The following GFRA3 variants were observed in gnomAD, a reference collection of about 807,000 sequenced individuals.
GFRA3 encodes the protein GDNF family receptor alpha-3.
GFRA3 carries 24 observed loss-of-function variants against 40.0 expected under a neutral mutation model. The ratio of observed to expected loss-of-function variants is 0.60; its 90% confidence interval spans 0.43 to 0.84. The LOEUF (loss-of-function observed/expected upper bound fraction) is 0.84. GFRA3 is among the 40% of genes least tolerant of loss of function. The pLI is 0.00. For missense variants in GFRA3, 405 were observed against 530.6 expected, an observed-to-expected ratio of 0.76 and a Z score of 2.33; for synonymous variants, 203 against 213.5, an observed-to-expected ratio of 0.95 and a Z score of 0.43.
At position 138,262,656 on chromosome 5, in the gene GFRA3, G is replaced by C. The variant is rs991044177; in HGVS notation, c.379+1605C>G. Among the ~76,000 whole-genome samples the C allele has an allele frequency of 4.6e-5, 7 of 152,094 alleles. No individual in the cohort carries two copies. The East Asian group carries it at 1.4e-3, about 29-fold the overall frequency. ...TTTTGTAGTGATGGGAGCTCGCTAT[G>C]TTGTCCAGGCTGGTCTTGAACTCCT... is the stretch of plus-strand genomic sequence containing the variant. On this transcript the variant is annotated intron_variant, in intron 2 of 7. Coordinates refer to ENST00000274721, the MANE Select transcript of GFRA3 (RefSeq NM_001496.4).
In GFRA3 at chr5:138,274,500, G is replaced by C. The variant is rs985314436; in HGVS notation, c.-76C>G. The C allele has an allele frequency of 6.7e-5, 83 of 1,240,830 alleles. No individual in the cohort carries two copies. The highest frequency in any genetic ancestry group is 1.3e-4 in the Admixed American group (3 of 23,710). 76.9% of individuals were successfully genotyped at this position (1,240,830 alleles called of 1,614,324 possible). On this transcript the variant is annotated 5_prime_UTR_variant, in exon 1 of 8. Coordinates refer to ENST00000274721, the MANE Select transcript of GFRA3 (RefSeq NM_001496.4). ...CTCTGAGAGCGGGGCTCCCTCGACC[G>C]GCACCTCCCGCCCCCGCCTCCCGCC...
intron 1 of GFRA3, among the ~76,000 whole-genome samples, chr5:138,272,059 G>A (rs1755884237): frequency 6.8e-6 from 1 of 147,596 alleles, no homozygotes; most frequent in African/African-American, 2.5e-5. Context: ...AGGCTGGAGT[G>A]CAGTGGCGCG....
chr5:138,274,302 T>C, intron 1 of GFRA3, 32 bp downstream of exon 1: 1 of 1,318,930 alleles, frequency 7.6e-7, no homozygotes, highest in Non-Finnish European at 9.7e-7. Context: ...CCTCCCACTG[T>C]ACCCCCGGCC....
At position 138,264,640 on chromosome 5, in the gene GFRA3, T is replaced by G. The variant is rs539151019; in HGVS notation, c.92-92A>C. On this transcript the variant is annotated intron_variant, in intron 1 of 7. Coordinates refer to ENST00000274721, the MANE Select transcript of GFRA3 (RefSeq NM_001496.4). Reference sequence around the variant, plus strand: ...GAGGTTGGGAGAGGGATATTCCTGATGAAACTTTGTGAAAGTCTTAGGGTA... The same window carrying G: ...GAGGTTGGGAGAGGGATATTCCTGAGGAAACTTTGTGAAAGTCTTAGGGTA... 25 of 804,758 alleles carry G rather than the reference T, an allele frequency of 3.1e-5. No individual in the cohort carries two copies. The South Asian group carries it at 4.5e-4, about 14-fold the overall frequency. The allele number at this position is 804,758 out of a possible 1,614,324, so 49.9% of individuals were successfully genotyped here.
At position 138,266,553 on chromosome 5, in the gene GFRA3, T is replaced by C. The variant is rs375926176; in HGVS notation, c.92-2005A>G. ...TGTATAGCTCAATGAATTTCACAAA[T>C]TGAATACACTTGTGTAGCCAGAATC... On this transcript the variant is annotated intron_variant, in intron 1 of 7. Coordinates refer to ENST00000274721, the MANE Select transcript of GFRA3 (RefSeq NM_001496.4). Among the ~76,000 whole-genome samples the C allele has an allele frequency of 9.3e-4, 142 of 152,348 alleles. 2 individuals carry two copies. In the Middle Eastern group the frequency reaches 0.014, roughly 15 times the overall value.
intron 2 of GFRA3, among the ~76,000 whole-genome samples, chr5:138,261,693 C>CAAAAAAAAAA (rs70979598): frequency 6.5e-5 from 3 of 46,342 alleles, no homozygotes; most frequent in African/African-American, 1.8e-4. Context: ...GACTCTGTCT[C>CAAAAAAAAAA]AAAAAAAAAA....
At chr5:138,255,823 C>G (rs970828018) in intron 4 of GFRA3, among the ~76,000 whole-genome samples, 4 of 151,466 alleles carry the variant, frequency 2.6e-5, no homozygotes, top group African/African-American at 9.7e-5. Flanking sequence ...TCGCTTGAAC[C>G]CAGGAGATAG....
chr5:138,269,337 A>G (rs937931047), intron 1 of GFRA3, among the ~76,000 whole-genome samples: 4 of 151,604 alleles, frequency 2.6e-5, no homozygotes, highest in Non-Finnish European at 5.9e-5. Context: ...GGAGTTCAAG[A>G]CCAGCCTGGC....
chr5:138,259,049 T>G (rs1015447060), intron 3 of GFRA3, among the ~76,000 whole-genome samples: 27 of 152,172 alleles, frequency 1.8e-4, no homozygotes, highest in African/African-American at 5.8e-4. Flanking sequence ...AGCCTCACTT[T>G]CCTGAAAAAC....
At chr5:138,254,959 AAGAGAGAC>A (rs2126610903) in intron 4 of GFRA3, among the ~76,000 whole-genome samples, 1 of 151,996 alleles carries the variant, frequency 6.6e-6, no homozygotes, top group East Asian at 1.9e-4. Flanking sequence ...AAGAAAGAGA[AAGAGAGAC>A]AGAGAGAAGA....
At chr5:138,259,536 G>T in intron 3 of GFRA3, 21 bp downstream of exon 3, 2 of 1,143,246 alleles carry the variant, frequency 1.7e-6, no homozygotes, top group South Asian at 1.2e-5. Flanking sequence ...TCTGGTTCCC[G>T]AGCCTAGTTG....
chr5:138,259,472 TC>T (rs1170942763), intron 3 of GFRA3, 84 bp downstream of exon 3: 2 of 771,684 alleles, frequency 2.6e-6, no homozygotes, highest in African/African-American at 3.4e-5. Flanking sequence ...CCTTATAAGC[TC>T]CCCAACTTCT....
rs980966474 is a variant in GFRA3 at position 138,252,874 on chromosome 5, C to A, written c.*94G>T. The A allele has an allele frequency of 1.5e-5, 11 of 716,544 alleles. No individual in the cohort carries two copies. Among genetic ancestry groups the A allele is most frequent in the Non-Finnish European group, 2.5e-5 (10 of 396,964 alleles). 44.4% of individuals were successfully genotyped at this position (716,544 alleles called of 1,614,324 possible). On this transcript the variant is annotated 3_prime_UTR_variant, in exon 8 of 8. Coordinates refer to ENST00000274721, the MANE Select transcript of GFRA3 (RefSeq NM_001496.4). ...CTCCTGTGCCCTCATCTGCGCACTG[C>A]ACCTCCTTCCTGCTGCTGTCCTTTC...
chr5:138,268,730 A>G (rs1464746342), intron 1 of GFRA3, among the ~76,000 whole-genome samples: 1 of 152,060 alleles, frequency 6.6e-6, no homozygotes, highest in Non-Finnish European at 1.5e-5. Flanking sequence ...CTCTATTAAA[A>G]ATACAGAAAA....
intron 4 of GFRA3, among the ~76,000 whole-genome samples, chr5:138,256,351 A>G (rs1581507219): frequency 6.6e-6 from 1 of 150,532 alleles, no homozygotes; most frequent in South Asian, 2.1e-4. Context: ...ACACGGTGAA[A>G]CCCCGTCTCT....
At chr5:138,268,284 G>GAAAAAAAAAAAAAAAAAAAA (rs60958894) in intron 1 of GFRA3, among the ~76,000 whole-genome samples, 2 of 33,146 alleles carry the variant, frequency 6.0e-5, no homozygotes, top group Non-Finnish European at 5.2e-5. Context: ...GACTCCATCT[G>GAAAAAAAAAAAAAAAAAAAA]AAAAAAAAAA....
chr5:138,258,984 A>G (rs1755674737), intron 3 of GFRA3, among the ~76,000 whole-genome samples: 1 of 152,184 alleles, frequency 6.6e-6, no homozygotes, highest in South Asian at 2.1e-4. Context: ...GATAAAGCTC[A>G]CATCTTTCTC....
At chr5:138,258,709 T>C (rs974153242) in intron 3 of GFRA3, among the ~76,000 whole-genome samples, 1 of 152,164 alleles carries the variant, frequency 6.6e-6, no homozygotes, top group African/African-American at 2.4e-5. Context: ...CCAAATTCTA[T>C]TTTAGGTTTC....
chr5:138,268,373 C>T (rs865808394), intron 1 of GFRA3, among the ~76,000 whole-genome samples: 20 of 137,720 alleles, frequency 1.5e-4, no homozygotes, highest in South Asian at 4.6e-4. Context: ...CCTTGACTTA[C>T]GCAAAGATTT....
Sources: gnomAD v4.1 joint callset for allele counts (sites outside exome capture counted in the v4.1 genomes callset) on GRCh38, gnomAD v4.1.1 for gene constraint, MANE v1.5 for transcripts, NCBI Gene and HGNC (gene_info 2026-07-23, HGNC 2026-07-21) for gene names.